The following ATAD2B variants were observed in gnomAD, a reference collection of about 807,000 sequenced individuals.
ATAD2B encodes the protein ATPase family AAA domain containing 2B.
In ATAD2B, 40 loss-of-function variants were observed where a neutral mutation model predicts 167.6. That is an observed-to-expected ratio of 0.24 (90% confidence interval 0.19 to 0.31). The LOEUF is 0.31. ATAD2B is among the 10% of genes least tolerant of loss of function. The pLI, the probability that ATAD2B is intolerant of heterozygous loss-of-function variation, is 1.00. For missense variants in ATAD2B, 1,242 were observed against 1,757.2 expected (o/e 0.71, Z 5.24); for synonymous variants, 579 against 596.5 (o/e 0.97, Z 0.43).
At chr2:23,870,107 TGAG>T (rs1475743472) in intron 8 of ATAD2B, among the ~76,000 whole-genome samples, 1 of 142,088 alleles carries the variant, frequency 7.0e-6, no homozygotes, top group Non-Finnish European at 1.6e-5. Context: ...CTCGGGAGGC[TGAG>T]GAAGAAGAAT....
intron 1 of ATAD2B, among the ~76,000 whole-genome samples, chr2:23,903,965 GGT>G (rs1335295902): frequency 6.6e-6 from 1 of 151,902 alleles, no homozygotes; most frequent in African/African-American, 2.4e-5. Context: ...TGGTGGTAGT[GGT>G]GATGGTGGTG....
intron 19 of ATAD2B, among the ~76,000 whole-genome samples, chr2:23,789,146 T>C (rs1055123265): frequency 2.8e-4 from 42 of 152,206 alleles, no homozygotes; most frequent in African/African-American, 1.0e-3. Flanking sequence ...AAAGAAACTA[T>C]ACCTCTAGTC....
chr2:23,810,184 G>T, intron 18 of ATAD2B, 132 bp downstream of exon 18: 1 of 774,210 alleles, frequency 1.3e-6, no homozygotes, highest in Non-Finnish European at 2.0e-6. Context: ...GAATGCTAAT[G>T]AATAATCAAC....
the ATAD2B span, among the ~76,000 whole-genome samples, chr2:23,709,084 A>G: frequency 6.6e-6 from 1 of 151,742 alleles, no homozygotes; most frequent in Non-Finnish European, 1.5e-5. Context: ...CTTGTTGCCC[A>G]GACTGGAGTG....
chr2:23,876,055 G>A (rs1302659423), intron 7 of ATAD2B, among the ~76,000 whole-genome samples, 151 bp from the exon 8 acceptor site: 3 of 152,140 alleles, frequency 2.0e-5, no homozygotes, highest in South Asian at 2.1e-4. Flanking sequence ...ATGCAGTGGC[G>A]CGATCTCGGC....
At chr2:23,926,508 A>G in intron 1 of ATAD2B, 47 bp downstream of exon 1, 1 of 1,524,664 alleles carries the variant, frequency 6.6e-7, no homozygotes. Context: ...CCCCGGCAGC[A>G]GGGCCGGCAC....
chr2:23,815,979 G>T (rs1686377540), intron 17 of ATAD2B, among the ~76,000 whole-genome samples: 1 of 152,026 alleles, frequency 6.6e-6, no homozygotes, highest in Non-Finnish European at 1.5e-5. Context: ...ACCCTATTTT[G>T]TTCACTGACC....
chr2:23,693,555 T>C, the ATAD2B span: 1 of 1,536,112 alleles, frequency 6.5e-7, no homozygotes, highest in Non-Finnish European at 8.8e-7. Flanking sequence ...CCCCCGCCCC[T>C]TCTCTCTGGG....
At chr2:23,922,024 G>C (rs952237938) in intron 1 of ATAD2B, among the ~76,000 whole-genome samples, 1 of 152,066 alleles carries the variant, frequency 6.6e-6, no homozygotes, top group Non-Finnish European at 1.5e-5. Flanking sequence ...GTATACTAAA[G>C]AAGGACCTAG....
intron 19 of ATAD2B, among the ~76,000 whole-genome samples, chr2:23,791,026 C>T (rs1174356578): frequency 6.6e-6 from 1 of 152,178 alleles, no homozygotes; most frequent in East Asian, 1.9e-4. Context: ...TAGAGAATTG[C>T]CTCTTCTAGA....
chr2:23,882,131 G>A (rs374282571), intron 6 of ATAD2B, among the ~76,000 whole-genome samples: 7 of 152,172 alleles, frequency 4.6e-5, no homozygotes, highest in East Asian at 1.9e-4. Flanking sequence ...AGGCTAAGGC[G>A]GGAGGATGGC....
intron 19 of ATAD2B, among the ~76,000 whole-genome samples, chr2:23,795,872 C>A (rs527975278): frequency 6.7e-6 from 1 of 150,274 alleles, no homozygotes. Flanking sequence ...GAGTGAGACT[C>A]CATCTCAAAA....
intron 13 of ATAD2B, 40 bp downstream of exon 13, chr2:23,857,375 G>A (rs557850948): frequency 1.3e-5 from 15 of 1,183,926 alleles, no homozygotes; most frequent in South Asian, 4.6e-5. Context: ...AAGTCAATGC[G>A]TAAAAAAGAA....
At chr2:23,767,829 T>C (rs1309618741) in intron 22 of ATAD2B, among the ~76,000 whole-genome samples, 1 of 151,960 alleles carries the variant, frequency 6.6e-6, no homozygotes, top group Non-Finnish European at 1.5e-5. Context: ...ATATCAAAGA[T>C]GATTTCCTAG....
At chr2:23,684,815 C>T in the ATAD2B span, among the ~76,000 whole-genome samples, 7 of 152,002 alleles carry the variant, frequency 4.6e-5, no homozygotes, top group Non-Finnish European at 1.0e-4. This position sits in a 1 kb window ranked among gnomAD's most constrained non-coding sequence, Gnocchi z 4.4. Context: ...ACACCGTGCC[C>T]CACCCCTGAG....
In ATAD2B at chr2:23,754,181, C is replaced by G; in HGVS notation, c.4333G>C (p.Glu1445Gln). Residue 1445 changes from glutamate to glutamine, a missense_variant and splice_region_variant, in exon 27 of 28, where the codon GAG becomes CAG. Glu to Gln is a conservative substitution (Grantham distance 29, BLOSUM62 2). Transcript: ENST00000238789. ...RKDYDKSQLV[E>Q]EMERTVHMFE... The stretch of plus-strand genomic sequence containing the variant: ...CTACAGATAAACTAAACACTTACCT[C>G]TACAAGTTGTGATTTGTCATAATCT... 1 of 1,529,010 alleles carries G rather than the reference C, an allele frequency of 6.5e-7. No individual in the cohort carries two copies. The highest frequency in any genetic ancestry group is 1.3e-5 in the South Asian group (1 of 78,136). 94.7% of individuals were successfully genotyped at this position (1,529,010 alleles called of 1,614,324 possible).
In ATAD2B at chr2:23,839,502, T is replaced by C. The variant is rs72851381; in HGVS notation, c.1569-5424A>G. Among the ~76,000 whole-genome samples the C allele has an allele frequency of 7.2e-3, 1,089 of 152,254 alleles. 10 individuals carry two copies. The highest frequency in any genetic ancestry group is 0.025 in the African/African-American group (1,041 of 41,570). ...TCCACATCTATTGAGGTGATCATCT[T>C]GATTTTTCTCTAATATGAAAATGTG... is the stretch of plus-strand genomic sequence containing the variant. On this transcript the variant is annotated intron_variant, in intron 13 of 27. Coordinates refer to ENST00000238789, the MANE Select transcript of ATAD2B (RefSeq NM_017552.4).
At chr2:23,727,871 T>C in the ATAD2B span, among the ~76,000 whole-genome samples, 12 of 152,120 alleles carry the variant, frequency 7.9e-5, no homozygotes, top group African/African-American at 2.7e-4. Context: ...AAAACTATGA[T>C]GACAGTAAAA....
intron 18 of ATAD2B, 149 bp from the exon 19 acceptor site, chr2:23,798,472 C>T (rs933967409): frequency 3.7e-6 from 2 of 534,828 alleles, no homozygotes; most frequent in African/African-American, 3.9e-5. Flanking sequence ...ATGCACAAGC[C>T]TTACACAGCT....
Sources: gnomAD v4.1 joint callset for allele counts (sites outside exome capture counted in the v4.1 genomes callset) on GRCh38, gnomAD v4.1.1 for gene constraint, Gnocchi (gnomAD v3.1) non-coding constraint, MANE v1.5 for transcripts, NCBI Gene and HGNC (gene_info 2026-07-23, HGNC 2026-07-21) for gene names.